The following TBC1D26 variants were observed in gnomAD, a reference collection of about 807,000 sequenced individuals.
The protein encoded by TBC1D26 is TBC1 domain family member 26.
In TBC1D26, 19 loss-of-function variants were observed where a neutral mutation model predicts 42.5. The ratio of observed to expected loss-of-function variants is 0.45; its 90% CI spans 0.31 to 0.66. The LOEUF (loss-of-function observed/expected upper bound fraction) is 0.66, where lower values mean the gene tolerates loss of function less well. Ranked by LOEUF, TBC1D26 falls within the 30% of genes least tolerant of loss-of-function variation. The probability of loss-of-function intolerance (pLI) is 0.06; values close to 1 mark genes in which losing one functional copy is unlikely to be tolerated. For synonymous variants in TBC1D26, 97 were observed against 123.5 expected (o/e 0.79, Z 1.42); for missense variants, 228 against 332.6 (o/e 0.69, Z 2.45).
chr17:15,733,809 C>G (rs1196388129), intron 1 of TBC1D26: 1 of 152,216 alleles, frequency 6.6e-6, no homozygotes, highest in African/African-American at 2.4e-5. Flanking sequence ...GCTGAGTGAC[C>G]GCCCACCTGC....
chr17:15,744,163 C>T (rs1967862020), intron 14 of TBC1D26, 80 bp from the exon 15 acceptor site: 1 of 152,100 alleles, frequency 6.6e-6, no homozygotes, highest in Admixed American at 6.5e-5. Context: ...GTCACAGAAC[C>T]ATACACTTGT....
At chr17:15,740,610 T>C in intron 9 of TBC1D26, 1 of 1,087,644 alleles carries the variant, frequency 9.2e-7, no homozygotes. Context: ...TGGCTGTTCC[T>C]GCTTGGCCCC....
At position 15,738,084 on chromosome 17, in the gene TBC1D26, TG is replaced by T. The variant is rs751617074; in HGVS notation, c.279+11del. ...ATATAGGAGCACCAAGAAGGTAACA[TG>T]GGGAGGAAGTGGCCCGCGTGACTGC... On this transcript the variant is annotated splice_region_variant and intron_variant, in intron 6 of 14. Transcript: ENST00000437605. The T allele has an allele frequency of 2.5e-6, 4 of 1,614,038 alleles. No individual in the cohort carries two copies. The South Asian group carries it at 4.4e-5, about 18-fold the overall frequency.
intron 1 of TBC1D26, chr17:15,733,656 C>T (rs939766396): frequency 5.3e-5 from 8 of 152,284 alleles, no homozygotes; most frequent in African/African-American, 1.9e-4. Context: ...CGTGCACACA[C>T]ATGTTCACCC....
intron 9 of TBC1D26, chr17:15,740,746 G>A: frequency 9.4e-7 from 1 of 1,068,344 alleles, no homozygotes; most frequent in Non-Finnish European, 1.2e-6. Flanking sequence ...CCTTTTGTGT[G>A]GTGGTCAGCG....
chr17:15,742,160 G>T, intron 11 of TBC1D26, 124 bp downstream of exon 11: 1 of 778,368 alleles, frequency 1.3e-6, no homozygotes, highest in Non-Finnish European at 2.1e-6. Context: ...CTGGGATGGG[G>T]ATTCCCCATG....
intron 9 of TBC1D26, 135 bp downstream of exon 9, chr17:15,740,283 G>C: frequency 6.2e-7 from 1 of 1,601,840 alleles, no homozygotes; most frequent in South Asian, 1.1e-5. Context: ...ACTTCAGCTC[G>C]CTGCTGGCAG....
In TBC1D26 at chr17:15,742,056, A is replaced by T. The variant is rs1190367494; in HGVS notation, c.741+20A>T. The T allele has an allele frequency of 6.2e-7, 1 of 1,609,426 alleles. No homozygotes were observed. The highest frequency in any genetic ancestry group is 1.1e-5 in the South Asian group (1 of 90,938). ...CACCTGGTGAGTGGATGACACCCTC[A>T]GCTCCTAACCAGACGCCCTGGCCCC... On this transcript the variant is annotated intron_variant, in intron 11 of 14. Transcript: ENST00000437605.
intron 11 of TBC1D26, 60 bp downstream of exon 11, chr17:15,742,096 G>C: frequency 6.8e-7 from 1 of 1,460,096 alleles, no homozygotes; most frequent in Non-Finnish European, 9.5e-7. Context: ...GGCCAGGGGA[G>C]GCTCAAGTCC....
At chr17:15,734,541 C>G (rs151223787) in intron 1 of TBC1D26, among the ~76,000 whole-genome samples, 1 of 151,916 alleles carries the variant, frequency 6.6e-6, no homozygotes, top group Admixed American at 6.6e-5. Flanking sequence ...GGTCAAAGAG[C>G]CTTGGGGACT....
In TBC1D26 at chr17:15,741,018, C is replaced by T. The variant is rs1967761077; in HGVS notation, c.547-104C>T. 2.7e-6 allele frequency: 4 copies of T among 1,468,058 alleles called. No individual in the cohort carries two copies. The Admixed American group carries it at 6.9e-5, about 25-fold the overall frequency. 90.9% of individuals were successfully genotyped at this position (1,468,058 alleles called of 1,614,324 possible). A position where few individuals can be genotyped will look rare whatever the true frequency, so the allele number is the denominator to read the frequency against. ...ACCTCAAATCCCCTGGGGCCTGAGG[C>T]AGGTGTCCCCAAAGACCTGTGCCAC... On this transcript the variant is annotated intron_variant, in intron 9 of 14. Transcript: ENST00000437605.
chr17:15,736,866 AG>A (rs1367123129), intron 4 of TBC1D26, among the ~76,000 whole-genome samples: 7 of 152,284 alleles, frequency 4.6e-5, no homozygotes, highest in Non-Finnish European at 7.3e-5. Flanking sequence ...GGGTCACAGA[AG>A]GGCCAGGGTG....
intron 10 of TBC1D26, 53 bp from the exon 11 acceptor site, chr17:15,741,889 C>T: frequency 1.3e-6 from 2 of 1,584,296 alleles, no homozygotes; most frequent in Non-Finnish European, 1.7e-6. Flanking sequence ...CAGCTGATGC[C>T]TCCACATTTT....
At chr17:15,741,741 C>T (rs1597757957) in intron 10 of TBC1D26, 2 of 582,940 alleles carry the variant, frequency 3.4e-6, no homozygotes, top group African/African-American at 1.9e-5. Context: ...GCCCTCCTGG[C>T]ACCTGGACCC....
In TBC1D26 at chr17:15,734,959, G is replaced by C. The variant is rs2529986; in HGVS notation, c.-113G>C. On this transcript the variant is annotated 5_prime_UTR_variant, in exon 2 of 15. Transcript: ENST00000437605. The stretch of plus-strand genomic sequence containing the variant: ...CTGATTATATTCCTGGTCCCTGAAC[G>C]ATCCTATAGAGACATCCAGTCCCTG... The C allele has an allele frequency of 3.5e-5, 9 of 255,384 alleles. No individual in the cohort carries two copies. The highest frequency in any genetic ancestry group is 8.8e-5 in the African/African-American group (4 of 45,342). 15.8% of individuals were successfully genotyped at this position (255,384 alleles called of 1,614,324 possible). A position where few individuals can be genotyped will look rare whatever the true frequency, so the allele number is the denominator to read the frequency against.
At position 15,737,988 on chromosome 17, in the gene TBC1D26, A is replaced by C; in HGVS notation, c.199-9A>C. The C allele has an allele frequency of 1.9e-6, 3 of 1,614,054 alleles. No homozygotes were observed. The highest frequency in any genetic ancestry group is 4.5e-5 in the East Asian group (2 of 44,874). ...AGCTCCGCTAACTCCATCATGGCTCATTTGACAGCAAAGACGCAAGGAAAG... is the reference window on the plus strand; with the variant it reads ...AGCTCCGCTAACTCCATCATGGCTCCTTTGACAGCAAAGACGCAAGGAAAG... On this transcript the variant is annotated splice_polypyrimidine_tract_variant and intron_variant, in intron 5 of 14. Coordinates refer to ENST00000437605, the MANE Select transcript of TBC1D26 (RefSeq NM_001388465.1).
At chr17:15,739,980 C>T in intron 8 of TBC1D26, 120 bp from the exon 9 acceptor site, 1 of 1,282,986 alleles carries the variant, frequency 7.8e-7, no homozygotes, top group Non-Finnish European at 1.1e-6. Flanking sequence ...GAGCTCACTG[C>T]TTATTTGGGG....
chr17:15,738,944 G>A, intron 8 of TBC1D26, 114 bp downstream of exon 8: 2 of 1,429,040 alleles, frequency 1.4e-6, no homozygotes, highest in Non-Finnish European at 1.9e-6. Context: ...GAGCCACCAA[G>A]GGCTCTCCTG....
chr17:15,744,212 T>C (rs1967863327), intron 14 of TBC1D26, 31 bp from the exon 15 acceptor site: 1 of 152,188 alleles, frequency 6.6e-6, no homozygotes, highest in African/African-American at 2.4e-5. Flanking sequence ...TTATAGTATT[T>C]CTTTCCATTT....
Sources: gnomAD v4.1 joint callset for allele counts (sites outside exome capture counted in the v4.1 genomes callset) on GRCh38, gnomAD v4.1.1 for gene constraint, MANE v1.5 for transcripts, NCBI Gene and HGNC (gene_info 2026-07-23, HGNC 2026-07-21) for gene names.